The following NUBPL variants were observed in gnomAD, a reference collection of about 807,000 sequenced individuals.
NUBPL encodes NUBP iron-sulfur cluster assembly factor, mitochondrial.
A neutral mutation model predicts 45.7 loss-of-function variants in NUBPL; 31 were observed. The observed-to-expected ratio is 0.68, with a 90% confidence interval of 0.51 to 0.92. The LOEUF (loss-of-function observed/expected upper bound fraction) is 0.92, where lower values mean the gene tolerates loss of function less well. Among genes scored for constraint, NUBPL ranks in the 40% least tolerant of loss-of-function variants. The pLI is 0.00. For synonymous variants in NUBPL, 144 were observed against 140.9 expected (o/e 1.02, Z -0.15); for missense variants, 401 against 398.7 (o/e 1.01, Z -0.05).
At chr14:31,821,368 A>G (rs925494090) in intron 7 of NUBPL, among the ~76,000 whole-genome samples, 16 of 152,238 alleles carry the variant, frequency 1.1e-4, no homozygotes, top group African/African-American at 3.9e-4. Context: ...CTGTTTAAAA[A>G]TTGGCAAAAG....
intron 8 of NUBPL, among the ~76,000 whole-genome samples, chr14:31,842,445 T>G (rs1162193207): frequency 6.6e-6 from 1 of 152,098 alleles, no homozygotes; most frequent in Non-Finnish European, 1.5e-5. Flanking sequence ...ACCTCTGACT[T>G]TCAAACATAT....
chr14:31,689,997 C>T (rs1437560354), intron 6 of NUBPL, among the ~76,000 whole-genome samples: 3 of 150,636 alleles, frequency 2.0e-5, no homozygotes, highest in Non-Finnish European at 4.4e-5. Flanking sequence ...TATTTCTGGG[C>T]TCTCTATTCT....
Position 31,673,521 on chromosome 14 carries a change from G to A in NUBPL, c.460G>A (p.Val154Ile), listed in dbSNP as rs1480892988. ...MGFLVEESEP[V>I]VWRGLMVMSA... ...CTTTCTGGTTGAAGAAAGTGAACCAGTAGTTTGGAGAGGCCTTATGGTAAT... is the reference window on the plus strand; with the variant it reads ...CTTTCTGGTTGAAGAAAGTGAACCAATAGTTTGGAGAGGCCTTATGGTAAT... Residue 154 changes from valine (V) to isoleucine (I), a missense_variant, in exon 6 of 11, where the codon GTA (valine) becomes ATA (isoleucine). Val to Ile is a conservative substitution (Grantham distance 29). Coordinates refer to ENST00000281081, the MANE Select transcript of NUBPL (RefSeq NM_025152.3). 62 of 1,613,810 alleles carry A rather than the reference G, an allele frequency of 3.8e-5. No individual in the cohort carries two copies. Among genetic ancestry groups the A allele is most frequent in the Admixed American group, 1.0e-4 (6 of 59,994 alleles).
chr14:31,608,950 C>G (rs934786675), intron 4 of NUBPL, among the ~76,000 whole-genome samples: 4 of 151,922 alleles, frequency 2.6e-5, no homozygotes, highest in African/African-American at 9.7e-5. Context: ...AAATAAAAAG[C>G]AAGAAAGTAA....
chr14:31,739,837 C>A (rs1395980557), intron 6 of NUBPL, among the ~76,000 whole-genome samples: 2 of 152,148 alleles, frequency 1.3e-5, no homozygotes, highest in African/African-American at 4.8e-5. Flanking sequence ...CCCTCTGACC[C>A]CTGATATGCA....
At chr14:31,700,444 A>G (rs532541699) in intron 6 of NUBPL, among the ~76,000 whole-genome samples, 5 of 152,202 alleles carry the variant, frequency 3.3e-5, no homozygotes, top group African/African-American at 9.6e-5. Flanking sequence ...TACTCTGGCC[A>G]TGCTTGAGGA....
At chr14:31,806,303 G>C (rs2039684432) in intron 7 of NUBPL, among the ~76,000 whole-genome samples, 1 of 152,064 alleles carries the variant, frequency 6.6e-6, no homozygotes, top group Non-Finnish European at 1.5e-5. Flanking sequence ...CTCCTCTCTG[G>C]AGTTTTTTTT....
intron 7 of NUBPL, among the ~76,000 whole-genome samples, chr14:31,792,449 G>A (rs2039399481): frequency 6.7e-6 from 1 of 149,670 alleles, no homozygotes; most frequent in African/African-American, 2.5e-5. Context: ...AGCCCCAAGT[G>A]ATTCTTGAAG....
At chr14:31,736,763 A>G (rs1205281412) in intron 6 of NUBPL, among the ~76,000 whole-genome samples, 1 of 152,156 alleles carries the variant, frequency 6.6e-6, no homozygotes, top group African/African-American at 2.4e-5. Context: ...GTTTAGTTTT[A>G]GTTGGTTCTG....
At chr14:31,775,445 G>T (rs1376842030) in intron 6 of NUBPL, among the ~76,000 whole-genome samples, 2 of 151,776 alleles carry the variant, frequency 1.3e-5, no homozygotes, top group Non-Finnish European at 2.9e-5. Flanking sequence ...ACAAAAGAAA[G>T]CAAAAAAACA....
chr14:31,787,692 A>G, intron 6 of NUBPL, 88 bp from the exon 7 acceptor site: 1 of 883,154 alleles, frequency 1.1e-6, no homozygotes, highest in Non-Finnish European at 1.9e-6. Flanking sequence ...CTATGATTTT[A>G]TATTTGTTAT....
intron 2 of NUBPL, among the ~76,000 whole-genome samples, chr14:31,563,944 T>C (rs1360669586): frequency 1.3e-5 from 2 of 152,218 alleles, no homozygotes; most frequent in Non-Finnish European, 2.9e-5. Context: ...TAGGCATTGT[T>C]TTCATTTTAT....
intron 6 of NUBPL, among the ~76,000 whole-genome samples, chr14:31,735,429 G>C (rs2038143690): frequency 6.6e-6 from 1 of 152,138 alleles, no homozygotes; most frequent in East Asian, 1.9e-4. Context: ...AACATATGTG[G>C]AACCAAACAC....
chr14:31,697,153 A>G (rs1446994925), intron 6 of NUBPL, among the ~76,000 whole-genome samples: 1 of 152,234 alleles, frequency 6.6e-6, no homozygotes, highest in Non-Finnish European at 1.5e-5. Context: ...GTCCTGGAAC[A>G]GTTCATGTTA....
intron 8 of NUBPL, among the ~76,000 whole-genome samples, chr14:31,830,916 A>T (rs2040178854): frequency 6.6e-6 from 1 of 151,960 alleles, no homozygotes; most frequent in African/African-American, 2.4e-5. Flanking sequence ...CAGGACCCTT[A>T]CCATGCTTTT....
intron 8 of NUBPL, among the ~76,000 whole-genome samples, chr14:31,839,722 A>G (rs986852682): frequency 2.0e-5 from 3 of 152,234 alleles, no homozygotes; most frequent in Non-Finnish European, 2.9e-5. Flanking sequence ...TTCAAAGTAT[A>G]TGAGGAACTC....
intron 6 of NUBPL, among the ~76,000 whole-genome samples, chr14:31,736,486 T>TTC (rs1267915558): frequency 6.6e-6 from 1 of 152,220 alleles, no homozygotes; most frequent in African/African-American, 2.4e-5. Flanking sequence ...TTTTAATGTC[T>TTC]TCTCTCTTGC....
chr14:31,665,283 C>G (rs1034308604), intron 4 of NUBPL, among the ~76,000 whole-genome samples: 1 of 152,076 alleles, frequency 6.6e-6, no homozygotes, highest in African/African-American at 2.4e-5. Context: ...TTTGTTTGCT[C>G]TTGCTTCTCT....
At chr14:31,761,662 G>T (rs2038812312) in intron 6 of NUBPL, among the ~76,000 whole-genome samples, 1 of 152,078 alleles carries the variant, frequency 6.6e-6, no homozygotes, top group African/African-American at 2.4e-5. Flanking sequence ...AATATATTGT[G>T]ATCAGTACAT....
Sources: allele counts gnomAD v4.1 joint callset (sites outside exome capture counted in the v4.1 genomes callset), GRCh38; gene constraint gnomAD v4.1.1; transcripts MANE v1.5; gene names NCBI Gene and HGNC (gene_info 2026-07-23, HGNC 2026-07-21).